GALNT17: variants seen among roughly 807,000 people sequenced by gnomAD.
The protein encoded by GALNT17 is polypeptide N-acetylgalactosaminyltransferase 17.
In GALNT17, 29 loss-of-function variants were observed where a neutral mutation model predicts 63.7. The observed-to-expected ratio is 0.46, with a 90% CI of 0.34 to 0.62. The LOEUF (loss-of-function observed/expected upper bound fraction) is 0.62, where lower values mean the gene tolerates loss of function less well. Among genes scored for constraint, GALNT17 ranks in the 20% least tolerant of loss-of-function variants. GALNT17 has a pLI of 0.01. For missense variants in GALNT17, 603 were observed against 799.6 expected (o/e 0.75, Z 2.97); for synonymous variants, 305 against 318.3 (o/e 0.96, Z 0.45).
intron 2 of GALNT17, among the ~76,000 whole-genome samples, chr7:71,349,281 G>T (rs1464288714): frequency 6.6e-6 from 1 of 152,158 alleles, no homozygotes; most frequent in Non-Finnish European, 1.5e-5. Context: ...TATAAATCAG[G>T]CTTCTGGTGG....
intron 5 of GALNT17, among the ~76,000 whole-genome samples, chr7:71,518,761 A>G (rs1788482214): frequency 6.6e-6 from 1 of 152,106 alleles, no homozygotes. Context: ...CAAGATTAAA[A>G]CCTTTGCCTG....
intron 1 of GALNT17, among the ~76,000 whole-genome samples, chr7:71,216,398 G>A (rs1385716124): frequency 1.3e-5 from 2 of 152,108 alleles, no homozygotes; most frequent in African/African-American, 4.8e-5. Flanking sequence ...CTGGGGGAAC[G>A]CCAGAAGCCT....
chr7:71,645,073 A>G (rs1162789153), intron 6 of GALNT17, among the ~76,000 whole-genome samples: 1 of 152,194 alleles, frequency 6.6e-6, no homozygotes, highest in Non-Finnish European at 1.5e-5. Flanking sequence ...ACTTAGACCC[A>G]CATTTACTAC....
intron 5 of GALNT17, among the ~76,000 whole-genome samples, chr7:71,563,484 C>T (rs1789289532): frequency 2.6e-5 from 4 of 152,194 alleles, no homozygotes; most frequent in Admixed American, 2.0e-4. Context: ...GACAGCTCCT[C>T]GTTTATCAGT....
intron 10 of GALNT17, among the ~76,000 whole-genome samples, chr7:71,711,681 T>A (rs1156788654): frequency 6.9e-6 from 1 of 145,156 alleles, no homozygotes; most frequent in Non-Finnish European, 1.5e-5. Context: ...TTTCTCTCTC[T>A]CCTCTCTATC....
intron 6 of GALNT17, among the ~76,000 whole-genome samples, chr7:71,656,478 C>T (rs1186874000): frequency 6.6e-6 from 1 of 151,932 alleles, no homozygotes; most frequent in Non-Finnish European, 1.5e-5. Context: ...TTGAAGACCA[C>T]ACGAAGATTG....
At chr7:71,576,651 A>G (rs530067372) in intron 6 of GALNT17, among the ~76,000 whole-genome samples, 1 of 151,100 alleles carries the variant, frequency 6.6e-6, no homozygotes, top group Admixed American at 6.6e-5. Context: ...GCTCACTGCA[A>G]CCTCCGCCTC....
At chr7:71,610,335 A>C (rs962997684) in intron 6 of GALNT17, among the ~76,000 whole-genome samples, 1 of 152,202 alleles carries the variant, frequency 6.6e-6, no homozygotes, top group Non-Finnish European at 1.5e-5. Flanking sequence ...TTTAAAAAAT[A>C]ACTGGGCATG....
At chr7:71,371,112 G>A (rs1463740936) in intron 2 of GALNT17, among the ~76,000 whole-genome samples, 1 of 152,172 alleles carries the variant, frequency 6.6e-6, no homozygotes, top group African/African-American at 2.4e-5. Context: ...TGTGGCATCA[G>A]TGGGCAATTG....
intron 5 of GALNT17, among the ~76,000 whole-genome samples, chr7:71,556,587 T>G (rs942369619): frequency 6.6e-6 from 1 of 152,118 alleles, no homozygotes; most frequent in Non-Finnish European, 1.5e-5. Flanking sequence ...GACAGAGTCT[T>G]ACTTCATCAC....
chr7:71,593,931 C>T (rs551772780), intron 6 of GALNT17, among the ~76,000 whole-genome samples: 2 of 152,242 alleles, frequency 1.3e-5, no homozygotes, highest in Non-Finnish European at 2.9e-5. Flanking sequence ...TCCAGCTCTC[C>T]TACAAGAACA....
intron 1 of GALNT17, among the ~76,000 whole-genome samples, chr7:71,142,517 C>T (rs1324535959): frequency 1.3e-5 from 2 of 152,240 alleles, no homozygotes; most frequent in Non-Finnish European, 2.9e-5. Flanking sequence ...TTAGTGAGCA[C>T]TTCCTTGCCG....
chr7:71,201,419 C>G (rs1789169416), intron 1 of GALNT17, among the ~76,000 whole-genome samples: 1 of 151,580 alleles, frequency 6.6e-6, no homozygotes, highest in Non-Finnish European at 1.5e-5. Flanking sequence ...TGCTCTGATT[C>G]TCTTCTGTTA....
intron 1 of GALNT17, among the ~76,000 whole-genome samples, chr7:71,311,457 C>A (rs1305496259): frequency 6.6e-6 from 1 of 152,106 alleles, no homozygotes; most frequent in African/African-American, 2.4e-5. Context: ...TATTGCAAGA[C>A]CCCCATCTCT....
Position 71,354,009 on chromosome 7 carries a change from CAA to C in GALNT17, c.422+18277_422+18278del, listed in dbSNP as rs538256684. ...GTTTCTCACATGGTGGGAGCAGGATCAAGAGAGAGAGAGAAGGAGGTGCTACA... is the reference window on the plus strand; with the variant it reads ...GTTTCTCACATGGTGGGAGCAGGATCGAGAGAGAGAGAAGGAGGTGCTACA... On this transcript the variant is annotated intron_variant, in intron 2 of 10. Coordinates refer to ENST00000333538, the MANE Select transcript of GALNT17 (RefSeq NM_022479.3). Among the ~76,000 whole-genome samples, 743 of 152,096 alleles carry C rather than the reference CAA, an allele frequency of 4.9e-3. 2 individuals are homozygous for C. The highest frequency in any genetic ancestry group is 0.01 in the Admixed American group (160 of 15,262).
intron 1 of GALNT17, among the ~76,000 whole-genome samples, chr7:71,158,416 A>G (rs1472738298): frequency 6.7e-6 from 1 of 149,122 alleles, no homozygotes; most frequent in Non-Finnish European, 1.5e-5. Flanking sequence ...GTTTTTTGAG[A>G]TAGTGTCTCA....
intron 3 of GALNT17, among the ~76,000 whole-genome samples, chr7:71,392,411 A>C (rs2906258): frequency 2.0e-5 from 3 of 152,036 alleles, no homozygotes; most frequent in Non-Finnish European, 4.4e-5. Context: ...TGGGGTATTT[A>C]TACACCTTTA....
intron 4 of GALNT17, among the ~76,000 whole-genome samples, chr7:71,417,484 G>A (rs1786556519): frequency 1.3e-5 from 2 of 152,164 alleles, no homozygotes; most frequent in South Asian, 4.1e-4. Flanking sequence ...TTTATCTCTA[G>A]TAATAATCAT....
intron 2 of GALNT17, among the ~76,000 whole-genome samples, chr7:71,366,063 G>A (rs1021683151): frequency 1.1e-4 from 16 of 152,070 alleles, no homozygotes; most frequent in Non-Finnish European, 2.1e-4. Context: ...CTCAGTTCAC[G>A]ATAGGGCTTG....
Sources: gnomAD v4.1 joint callset for allele counts (sites outside exome capture counted in the v4.1 genomes callset) on GRCh38, gnomAD v4.1.1 for gene constraint, MANE v1.5 for transcripts, NCBI Gene and HGNC (gene_info 2026-07-23, HGNC 2026-07-21) for gene names.